UBE2H: variants seen among roughly 807,000 people sequenced by gnomAD.
The protein encoded by UBE2H is ubiquitin conjugating enzyme E2 H.
A neutral mutation model predicts 29.0 loss-of-function variants in UBE2H; 3 were observed. The ratio of observed to expected loss-of-function variants is 0.10; its 90% CI spans 0.05 to 0.27. The LOEUF (loss-of-function observed/expected upper bound fraction) is 0.27, where lower values mean the gene tolerates loss of function less well. Ranked by LOEUF, UBE2H falls within the 10% of genes least tolerant of loss-of-function variation. UBE2H has a pLI of 1.00. For synonymous variants in UBE2H, 69 were observed against 82.9 expected, an observed-to-expected ratio of 0.83 and a Z score of 0.91; for missense variants, 68 against 228.2, an observed-to-expected ratio of 0.30 and a Z score of 4.52.
In UBE2H at chr7:129,867,712, A is replaced by G. The variant is rs1419013538; in HGVS notation, c.206-8771T>C. Among the ~76,000 whole-genome samples the G allele has an allele frequency of 2.2e-3, 201 of 89,356 alleles. 5 individuals carry two copies. Among genetic ancestry groups the G allele is most frequent in the African/African-American group, 8.1e-3 (166 of 20,472 alleles). The allele number at this position is 89,356 out of a possible 152,430, so 58.6% of individuals were successfully genotyped here. On this transcript the variant is annotated intron_variant, in intron 3 of 6. Transcript: ENST00000355621. ...CTTAGAGTATAATAAAAAAAAAAAA[A>G]AAAAAGAAAACCAAAAAAAAAAAAA...
At chr7:129,934,515 GTAAT>G (rs1807478380) in intron 1 of UBE2H, among the ~76,000 whole-genome samples, 1 of 151,198 alleles carries the variant, frequency 6.6e-6, no homozygotes, top group South Asian at 2.1e-4. Flanking sequence ...GTGGGCACCT[GTAAT>G]CCCAGCTACT....
At position 129,858,940 on chromosome 7, in the gene UBE2H, T is replaced by A. The variant is rs1805753624; in HGVS notation, c.207A>T (p.Gly69=). The change falls in exon 4 of 7, where the codon GGA becomes GGT. Residue 69 remains glycine (G), a splice_region_variant and synonymous_variant. Transcript: ENST00000355621. The part of the protein sequence containing the change: ...DKYPFKSPSI[G]FMNKIFHPNI... ...TGGGATGGAAAATTTTATTCATGAA[T>A]CCTGTAAAAAGAGATGTTAATTAGC... 1 of 1,610,118 alleles carries A rather than the reference T, an allele frequency of 6.2e-7. No homozygotes were observed. Among genetic ancestry groups the A allele is most frequent in the Non-Finnish European group, 8.5e-7 (1 of 1,177,832 alleles).
At chr7:129,887,373 C>T (rs1018289133) in intron 1 of UBE2H, among the ~76,000 whole-genome samples, 2 of 151,968 alleles carry the variant, frequency 1.3e-5, no homozygotes, top group African/African-American at 4.8e-5. Flanking sequence ...AGGTGCACAC[C>T]ACCACACCCG....
chr7:129,861,434 A>C (rs1208310461), intron 3 of UBE2H, among the ~76,000 whole-genome samples: 2 of 152,180 alleles, frequency 1.3e-5, no homozygotes, highest in Non-Finnish European at 2.9e-5. Context: ...CCTGAACCAG[A>C]ACTAGGATCA....
chr7:129,880,357 T>C (rs1463124829), intron 2 of UBE2H, among the ~76,000 whole-genome samples: 2 of 151,958 alleles, frequency 1.3e-5, no homozygotes, highest in Middle Eastern at 3.4e-3. Flanking sequence ...AATACAGAAA[T>C]GAGCTGGGCG....
intron 1 of UBE2H, among the ~76,000 whole-genome samples, chr7:129,924,701 T>C (rs751272927): frequency 1.3e-4 from 19 of 151,526 alleles, no homozygotes; most frequent in Admixed American, 6.6e-5. Context: ...AATATTCAAG[T>C]TGGAGAGACT....
At chr7:129,851,878 T>C (rs984489920) in intron 5 of UBE2H, among the ~76,000 whole-genome samples, 1 of 152,212 alleles carries the variant, frequency 6.6e-6, no homozygotes, top group Non-Finnish European at 1.5e-5. Flanking sequence ...ATAAAGAAGG[T>C]TGGTTACGGA....
intron 5 of UBE2H, among the ~76,000 whole-genome samples, chr7:129,851,556 T>G (rs1805610051): frequency 6.6e-6 from 1 of 152,170 alleles, no homozygotes; most frequent in African/African-American, 2.4e-5. Flanking sequence ...TAATCGTAAG[T>G]GAATGAAGAT....
At chr7:129,842,754 T>C (rs891338985) in intron 5 of UBE2H, among the ~76,000 whole-genome samples, 1 of 151,494 alleles carries the variant, frequency 6.6e-6, no homozygotes, top group Non-Finnish European at 1.5e-5. Flanking sequence ...AATACAAAAA[T>C]TAGCTGGGTG....
chr7:129,886,766 G>GTTTTTTTTGT (rs1554435105), intron 1 of UBE2H, among the ~76,000 whole-genome samples: 1 of 50,726 alleles, frequency 2.0e-5, no homozygotes. Context: ...TTGTTTTTTG[G>GTTTTTTTTGT]TAAAAAAAAA....
chr7:129,872,604 G>C (rs970893770), intron 3 of UBE2H, among the ~76,000 whole-genome samples: 1 of 151,966 alleles, frequency 6.6e-6, no homozygotes, highest in South Asian at 2.1e-4. Context: ...CACTGTGGGA[G>C]GCCAAGGTGG....
At chr7:129,940,145 A>G (rs1584799533) in intron 1 of UBE2H, among the ~76,000 whole-genome samples, 1 of 152,170 alleles carries the variant, frequency 6.6e-6, no homozygotes, top group African/African-American at 2.4e-5. Context: ...TACCTCAACT[A>G]AGATTTTATA....
chr7:129,851,168 T>C (rs1446307067), intron 5 of UBE2H, among the ~76,000 whole-genome samples: 1 of 152,240 alleles, frequency 6.6e-6, no homozygotes, highest in East Asian at 1.9e-4. Context: ...TGCTACTGCA[T>C]AGATCACAAT....
At position 129,913,659 on chromosome 7, in the gene UBE2H, C is replaced by T. The variant is rs117038117; in HGVS notation, c.54-32688G>A. 6.0e-3 allele frequency among the ~76,000 whole-genome samples: 919 copies of T among 152,266 alleles called. 8 individuals are homozygous for T. The highest frequency in any genetic ancestry group is 8.9e-3 in the Non-Finnish European group (608 of 68,024). On this transcript the variant is annotated intron_variant, in intron 1 of 6. Coordinates refer to ENST00000355621, the MANE Select transcript of UBE2H (RefSeq NM_003344.4). ...CCTCAGAAGGGTAAAGAGCCTTTAA[C>T]TGGGTGCAGTGGCATGCATCTGTAG...
At chr7:129,886,758 G>GTTTTTTGGGT (rs1563034443) in intron 1 of UBE2H, among the ~76,000 whole-genome samples, 1 of 40,302 alleles carries the variant, frequency 2.5e-5, no homozygotes, top group African/African-American at 9.6e-5. Flanking sequence ...CTGGTTTTTT[G>GTTTTTTGGGT]TTTTTTGGTA....
intron 1 of UBE2H, among the ~76,000 whole-genome samples, chr7:129,926,653 C>T (rs750307455): frequency 6.6e-6 from 1 of 152,078 alleles, no homozygotes; most frequent in Non-Finnish European, 1.5e-5. Flanking sequence ...ATATAATGTG[C>T]CACAAATCCA....
At chr7:129,944,029 T>C (rs1331046197) in intron 1 of UBE2H, among the ~76,000 whole-genome samples, 1 of 152,120 alleles carries the variant, frequency 6.6e-6, no homozygotes, top group Non-Finnish European at 1.5e-5. Context: ...AATCAGTGCT[T>C]TAAGAGCATG....
chr7:129,870,585 A>G (rs1455359326), intron 3 of UBE2H, among the ~76,000 whole-genome samples: 3 of 152,192 alleles, frequency 2.0e-5, no homozygotes, highest in African/African-American at 7.2e-5. Context: ...ATGTCTTCAC[A>G]GCGGTGTATG....
chr7:129,854,059 A>AGGTTT (rs1368070552), intron 5 of UBE2H, among the ~76,000 whole-genome samples: 1 of 112,620 alleles, frequency 8.9e-6, no homozygotes, highest in Non-Finnish European at 1.8e-5. Context: ...ATTTAGTGTT[A>AGGTTT]GTTTTTTTTT....
Sources: gnomAD v4.1 joint callset for allele counts (sites outside exome capture counted in the v4.1 genomes callset) on GRCh38, gnomAD v4.1.1 for gene constraint, MANE v1.5 for transcripts, NCBI Gene and HGNC (gene_info 2026-07-23, HGNC 2026-07-21) for gene names.